RPRD2: variants seen among roughly 807,000 people sequenced by gnomAD.
The protein encoded by RPRD2 is regulation of nuclear pre-mRNA domain containing 2.
In RPRD2, 12 loss-of-function variants were observed where a neutral mutation model predicts 104.4. The ratio of observed to expected loss-of-function variants is 0.11; its 90% confidence interval spans 0.07 to 0.19. The LOEUF (loss-of-function observed/expected upper bound fraction) is 0.19, where lower values mean the gene tolerates loss of function less well. RPRD2 is among the 10% of genes least tolerant of loss of function. The probability of loss-of-function intolerance (pLI) is 1.00; values close to 1 mark genes in which losing one functional copy is unlikely to be tolerated. For synonymous variants in RPRD2, 714 were observed against 684.9 expected (o/e 1.04, Z -0.66); for missense variants, 1,543 against 1,790.1 (o/e 0.86, Z 2.49).
At position 150,388,377 on chromosome 1, in the gene RPRD2, TATAC is replaced by T. The variant is rs1661775516; in HGVS notation, c.205+23460_205+23463del. Among the ~76,000 whole-genome samples, 4 of 138,024 alleles carry T rather than the reference TATAC, an allele frequency of 2.9e-5. 1 individual carries two copies. The South Asian group carries it at 8.4e-4, about 29-fold the overall frequency. 90.5% of individuals were successfully genotyped at this position (138,024 alleles called of 152,430 possible). ...ATATACATATATACATGTATACACATATACACGTATACACATGTATATACGTGTA... is the reference window on the plus strand; with the variant it reads ...ATATACATATATACATGTATACACATACGTATACACATGTATATACGTGTA... On this transcript the variant is annotated intron_variant, in intron 1 of 10. Coordinates refer to ENST00000369068, the MANE Select transcript of RPRD2 (RefSeq NM_015203.5).
intron 2 of RPRD2, 47 bp from the exon 3 acceptor site, chr1:150,440,876 A>G: frequency 2.3e-6 from 2 of 869,584 alleles, no homozygotes; most frequent in Non-Finnish European, 3.6e-6. Flanking sequence ...AGTTTGGAGT[A>G]GAAGTCAAGG....
intron 1 of RPRD2, among the ~76,000 whole-genome samples, chr1:150,393,847 G>A (rs1295336571): frequency 1.3e-5 from 2 of 152,144 alleles, no homozygotes; most frequent in African/African-American, 2.4e-5. Flanking sequence ...GAGAGGTAAA[G>A]GGACTCTCCT....
chr1:150,459,936 C>T (rs1447376797), intron 8 of RPRD2, 124 bp from the exon 9 acceptor site: 6 of 774,832 alleles, frequency 7.7e-6, no homozygotes, highest in Non-Finnish European at 1.2e-5. Context: ...TGAAGTGAGT[C>T]GTTGTTTTCT....
At chr1:150,378,915 G>A (rs587735202) in intron 1 of RPRD2, among the ~76,000 whole-genome samples, 43 of 149,254 alleles carry the variant, frequency 2.9e-4, no homozygotes, top group African/African-American at 7.9e-4. Flanking sequence ...CCCGGAGGTG[G>A]AAGTTGCAGT....
intron 7 of RPRD2, among the ~76,000 whole-genome samples, chr1:150,456,392 A>G (rs1667525127): frequency 6.6e-6 from 1 of 152,170 alleles, no homozygotes. Flanking sequence ...GAAACTAGAA[A>G]CTACTGCATG....
chr1:150,466,828 C>T lies in RPRD2; in HGVS notation c.1612+2101C>T, dbSNP rs373108500. Among the ~76,000 whole-genome samples the T allele has an allele frequency of 2.4e-3, 360 of 152,136 alleles. 12 individuals carry two copies. In the South Asian group the frequency reaches 0.072, roughly 31 times the overall value. ...TACCAATGAAATCCTTTTTAAGTAC[C>T]GTAGTATAATTATGAAATGAATTAC... is the stretch of plus-strand genomic sequence containing the variant. On this transcript the variant is annotated intron_variant, in intron 10 of 10. Transcript: ENST00000369068.
chr1:150,417,741 T>C lies in RPRD2; in HGVS notation c.335+16T>C. ...CTCTAGTGAAGTAAGTAAATCTTTA[T>C]TGCTCTATGGGATCTAAACTTAGAC... On this transcript the variant is annotated intron_variant, in intron 2 of 10. Coordinates refer to ENST00000369068, the MANE Select transcript of RPRD2 (RefSeq NM_015203.5). The C allele has an allele frequency of 6.3e-7, 1 of 1,578,230 alleles. No homozygotes were observed. The highest frequency in any genetic ancestry group is 8.6e-7 in the Non-Finnish European group (1 of 1,156,786).
intron 1 of RPRD2, among the ~76,000 whole-genome samples, chr1:150,376,180 ATGTT>A (rs1660673580): frequency 6.6e-6 from 1 of 152,104 alleles, no homozygotes; most frequent in South Asian, 2.1e-4. Context: ...GGAAATGAAA[ATGTT>A]TGGTTTGCTG....
chr1:150,447,457 C>T (rs1464126568), intron 7 of RPRD2, among the ~76,000 whole-genome samples: 1 of 151,002 alleles, frequency 6.6e-6, no homozygotes, highest in Non-Finnish European at 1.5e-5. Flanking sequence ...GCCTCAGCCT[C>T]CTGAGTAGCT....
intron 1 of RPRD2, among the ~76,000 whole-genome samples, chr1:150,400,588 T>C (rs1406315531): frequency 2.0e-5 from 3 of 152,116 alleles, no homozygotes; most frequent in Non-Finnish European, 4.4e-5. Flanking sequence ...GATTTGGGGC[T>C]CAGGGGTTAA....
chr1:150,453,792 T>A (rs587680856), intron 7 of RPRD2, among the ~76,000 whole-genome samples: 1 of 152,332 alleles, frequency 6.6e-6, no homozygotes, highest in Non-Finnish European at 1.5e-5. Context: ...TGCTGAACAT[T>A]AAAAGATTAT....
chr1:150,364,621 C>G lies in RPRD2; in HGVS notation c.-94C>G. The G allele has an allele frequency of 1.5e-6, 1 of 665,502 alleles. No individual in the cohort carries two copies. The highest frequency in any genetic ancestry group is 2.6e-6 in the Non-Finnish European group (1 of 388,620). 41.2% of individuals were successfully genotyped at this position (665,502 alleles called of 1,614,324 possible). On this transcript the variant is annotated 5_prime_UTR_variant, in exon 1 of 11. Transcript: ENST00000369068. ...CCCTAGCTTCCCTCCCCACCTACGGCTTTCACGCACTCGCAGTGATTGTTT... is the reference window on the plus strand; with the variant it reads ...CCCTAGCTTCCCTCCCCACCTACGGGTTTCACGCACTCGCAGTGATTGTTT...
chr1:150,412,341 G>A (rs1271464946), intron 1 of RPRD2, among the ~76,000 whole-genome samples: 1 of 152,136 alleles, frequency 6.6e-6, no homozygotes, highest in Admixed American at 6.6e-5. Flanking sequence ...CTAGAGTGGA[G>A]AGTTTGCATT....
At chr1:150,390,448 G>A (rs1189515134) in intron 1 of RPRD2, among the ~76,000 whole-genome samples, 1 of 152,132 alleles carries the variant, frequency 6.6e-6, no homozygotes, top group South Asian at 2.1e-4. Context: ...GCAGTGAGCC[G>A]AGATCACGCC....
intron 1 of RPRD2, among the ~76,000 whole-genome samples, chr1:150,381,260 C>T (rs1400171995): frequency 7.4e-6 from 1 of 134,332 alleles, no homozygotes; most frequent in African/African-American, 2.7e-5. Flanking sequence ...CCCATCTCTA[C>T]AAAAAAAAAA....
At chr1:150,383,240 T>C (rs1553881135) in intron 1 of RPRD2, among the ~76,000 whole-genome samples, 1 of 151,782 alleles carries the variant, frequency 6.6e-6, no homozygotes, top group Non-Finnish European at 1.5e-5. Context: ...AGCTATCCTC[T>C]TGCCTTGACC....
chr1:150,366,330 G>A (rs1202932759), intron 1 of RPRD2, among the ~76,000 whole-genome samples: 3 of 152,154 alleles, frequency 2.0e-5, no homozygotes, highest in Non-Finnish European at 4.4e-5. Context: ...CAAAATTATA[G>A]GCCCCATGCT....
chr1:150,378,753 C>A (rs182537119), intron 1 of RPRD2, among the ~76,000 whole-genome samples: 1 of 151,954 alleles, frequency 6.6e-6, no homozygotes, highest in Non-Finnish European at 1.5e-5. Flanking sequence ...GAGGCCAAGG[C>A]GGGTGGATCA....
intron 9 of RPRD2, 52 bp downstream of exon 9, chr1:150,460,369 T>A (rs1327872626): frequency 6.6e-7 from 1 of 1,507,938 alleles, no homozygotes; most frequent in African/African-American, 1.4e-5. Context: ...CTTTTTAAAT[T>A]GAATCATTAA....
Sources: allele counts gnomAD v4.1 joint callset (sites outside exome capture counted in the v4.1 genomes callset), GRCh38; gene constraint gnomAD v4.1.1; transcripts MANE v1.5; gene names NCBI Gene and HGNC (gene_info 2026-07-23, HGNC 2026-07-21).